Variants in DYNC2H1 observed in about 807,000 individuals in gnomAD.
The protein encoded by DYNC2H1 is dynein cytoplasmic 2 heavy chain 1.
DYNC2H1 carries 410 observed loss-of-function variants against 570.0 expected under a neutral mutation model. The observed-to-expected ratio is 0.72, with a 90% CI of 0.66 to 0.78. The LOEUF (loss-of-function observed/expected upper bound fraction) is 0.78. DYNC2H1 is among the 30% of genes least tolerant of loss of function. DYNC2H1 has a pLI of 0.00. For synonymous variants in DYNC2H1, 1,688 were observed against 1,677.6 expected (o/e 1.01, Z -0.15); for missense variants, 4,865 against 5,046.4 (o/e 0.96, Z 1.09).
chr11:103,124,805 G>A (rs1401860132), intron 11 of DYNC2H1, among the ~76,000 whole-genome samples: 1 of 152,124 alleles, frequency 6.6e-6, no homozygotes, highest in East Asian at 1.9e-4. Context: ...TATGGTGGAT[G>A]TGATGTCAAT....
Position 103,176,370 on chromosome 11 carries a change from A to G in DYNC2H1, c.5810A>G (p.Asp1937Gly), listed in dbSNP as rs1311260647. Residue 1937 changes from aspartate (D) to glycine (G), a missense_variant, in exon 37 of 89, where the codon GAT (aspartate) becomes GGT (glycine). Coordinates refer to ENST00000375735, the MANE Select transcript of DYNC2H1 (RefSeq NM_001377.3). ...ATTGAATTGAAAGAAGTGGAATATG[A>G]TGAACTAAGTGCTGCATTAAAGCAG... ...PGIELKEVEY[D>G]ELSAALKQVF... The G allele has an allele frequency of 1.3e-6, 2 of 1,595,734 alleles. No homozygotes were observed. The highest frequency in any genetic ancestry group is 1.3e-5 in the African/African-American group (1 of 74,358).
intron 82 of DYNC2H1, among the ~76,000 whole-genome samples, chr11:103,353,719 T>A (rs1940164608): frequency 1.3e-5 from 2 of 152,158 alleles, no homozygotes; most frequent in African/African-American, 4.8e-5. Flanking sequence ...ACTTTGAATG[T>A]CCTTATGTTT....
chr11:103,347,413 A>G (rs949438776), intron 82 of DYNC2H1, among the ~76,000 whole-genome samples: 1 of 148,558 alleles, frequency 6.7e-6, no homozygotes, highest in African/African-American at 2.5e-5. Context: ...TAATGGCATT[A>G]TAGTAGTTAT....
intron 82 of DYNC2H1, among the ~76,000 whole-genome samples, chr11:103,345,167 G>A (rs1023098307): frequency 6.6e-5 from 10 of 152,034 alleles, no homozygotes; most frequent in African/African-American, 2.4e-4. Context: ...ATTCATTATT[G>A]TGGTTGGTTT....
chr11:103,184,177 C>G (rs763191952), intron 40 of DYNC2H1, among the ~76,000 whole-genome samples: 16 of 151,916 alleles, frequency 1.1e-4, no homozygotes, highest in Non-Finnish European at 1.8e-4. Flanking sequence ...ACATTCTGTA[C>G]TGCTGTAGCT....
chr11:103,471,101 C>G (rs113268045), intron 88 of DYNC2H1, among the ~76,000 whole-genome samples: 11 of 152,090 alleles, frequency 7.2e-5, no homozygotes, highest in South Asian at 2.1e-4. Flanking sequence ...TTTTAATGAT[C>G]GCCATTCTAA....
chr11:103,473,116 T>G (rs1303023192), intron 88 of DYNC2H1, among the ~76,000 whole-genome samples: 17 of 152,196 alleles, frequency 1.1e-4, no homozygotes. Context: ...TTGCCTCTAT[T>G]TGAAATGCAG....
At chr11:103,426,252 G>C (rs762113459) in intron 84 of DYNC2H1, among the ~76,000 whole-genome samples, 121 of 152,286 alleles carry the variant, frequency 7.9e-4, no homozygotes, top group Non-Finnish European at 1.6e-3. Context: ...CTTGCTGTCA[G>C]TAAATATGTG....
Position 103,162,599 on chromosome 11 carries a change from A to T in DYNC2H1, c.4492-429A>T, listed in dbSNP as rs182731203. On this transcript the variant is annotated intron_variant, in intron 29 of 88. Transcript: ENST00000375735. ...ATGGTTACGACTTTATGAATATAAGATCATCAGGATGGCATGAGCCAGGAA... is the reference window on the plus strand; with the variant it reads ...ATGGTTACGACTTTATGAATATAAGTTCATCAGGATGGCATGAGCCAGGAA... 3.3e-5 allele frequency among the ~76,000 whole-genome samples: 5 copies of T among 152,308 alleles called. 1 individual carries two copies. The East Asian group carries it at 5.8e-4, about 18-fold the overall frequency.
chr11:103,410,067 G>C (rs959113722), intron 84 of DYNC2H1, among the ~76,000 whole-genome samples: 1 of 151,500 alleles, frequency 6.6e-6, no homozygotes, highest in Non-Finnish European at 1.5e-5. Flanking sequence ...AATCTTCCAG[G>C]GGTAAGCTGG....
intron 82 of DYNC2H1, among the ~76,000 whole-genome samples, chr11:103,327,925 C>T (rs1435245145): frequency 6.6e-6 from 1 of 152,150 alleles, no homozygotes; most frequent in African/African-American, 2.4e-5. Flanking sequence ...GGTTTCATGA[C>T]AAACTAGGCA....
At chr11:103,139,307 G>T (rs1238132608) in intron 17 of DYNC2H1, among the ~76,000 whole-genome samples, 2 of 149,934 alleles carry the variant, frequency 1.3e-5, no homozygotes, top group African/African-American at 4.9e-5. Context: ...TGTGATGTTA[G>T]GGTGTCAATT....
chr11:103,245,224 A>C lies in DYNC2H1; in HGVS notation c.9919-27A>C. The C allele has an allele frequency of 6.9e-7, 1 of 1,442,480 alleles. No individual in the cohort carries two copies. Among genetic ancestry groups the C allele is most frequent in the Non-Finnish European group, 9.4e-7 (1 of 1,069,158 alleles). 89.4% of individuals were successfully genotyped at this position (1,442,480 alleles called of 1,614,324 possible). ...TAAATATTAAAGTAATTAAATAATT[A>C]ATACGTATTCTTTTTTATTCAATTA... is the stretch of plus-strand genomic sequence containing the variant. On this transcript the variant is annotated intron_variant, in intron 64 of 88. Coordinates refer to ENST00000375735, the MANE Select transcript of DYNC2H1 (RefSeq NM_001377.3). This position sits in a 1 kb window ranked among gnomAD's most constrained non-coding sequence, Gnocchi z 4.5.
At chr11:103,222,384 G>T (rs1863621607) in intron 58 of DYNC2H1, among the ~76,000 whole-genome samples, 1 of 152,076 alleles carries the variant, frequency 6.6e-6, no homozygotes, top group Admixed American at 6.5e-5. Flanking sequence ...TTTTGTATCT[G>T]CTGTTAATGT....
rs1458832822 is a variant in DYNC2H1 at position 103,305,731 on chromosome 11, GA to G, written c.11382+1012del. On this transcript the variant is annotated intron_variant, in intron 77 of 88. Transcript: ENST00000375735. The surrounding 1 kb of genome is among the most constrained non-coding windows in gnomAD (Gnocchi z 4.3). The stretch of plus-strand genomic sequence containing the variant: ...CACAAATAGTCAGTAAATTTTTGAT[GA>G]GTAAGTTAATGAGTGAGTGAATGAG... Among the ~76,000 whole-genome samples the G allele has an allele frequency of 6.6e-6, 1 of 152,006 alleles. No homozygotes were observed. Among genetic ancestry groups the G allele is most frequent in the African/African-American group, 2.4e-5 (1 of 41,376 alleles).
Position 103,465,763 on chromosome 11 carries a change from G to A in DYNC2H1, c.12649-2826G>A, listed in dbSNP as rs182932327. On this transcript the variant is annotated intron_variant, in intron 87 of 88. Transcript: ENST00000375735. This position sits in a 1 kb window ranked among gnomAD's most constrained non-coding sequence, Gnocchi z 4.9. ...AGTCCTTCACATGCCCTCTCATACTGTAGTAGACTAGGAGAGCTTCCTTAT... is the reference window on the plus strand; with the variant it reads ...AGTCCTTCACATGCCCTCTCATACTATAGTAGACTAGGAGAGCTTCCTTAT... Among the ~76,000 whole-genome samples the A allele has an allele frequency of 5.3e-5, 8 of 152,194 alleles. No individual in the cohort carries two copies. The East Asian group carries it at 1.5e-3, about 29-fold the overall frequency.
intron 73 of DYNC2H1, among the ~76,000 whole-genome samples, chr11:103,283,411 T>G (rs571190318): frequency 6.6e-5 from 10 of 152,290 alleles, no homozygotes; most frequent in Non-Finnish European, 1.3e-4. Context: ...AACAATTCTG[T>G]GTTCTTCAAC....
Position 103,187,447 on chromosome 11 carries a change from C to T in DYNC2H1, c.7001C>T (p.Thr2334Ile), listed in dbSNP as rs745337448. 1.9e-5 allele frequency: 30 copies of T among 1,613,196 alleles called. 1 individual carries two copies. The South Asian group carries it at 3.1e-4, about 17-fold the overall frequency. The change falls in exon 43 of 89, where the codon ACT becomes ATT. Residue 2334 changes from threonine to isoleucine, a missense_variant. By Grantham distance (89) the Thr-to-Ile change is moderately conservative (BLOSUM62 -1). Transcript: ENST00000375735. ...SRHLLQKLSQ[T>I]CMVISTNTGR... ...CATCTCCTGCAGAAACTGAGCCAGA[C>T]TTGCATGGTAATCAGTACTAATACT...
chr11:103,331,082 T>G (rs886326701), intron 82 of DYNC2H1, among the ~76,000 whole-genome samples: 1 of 152,230 alleles, frequency 6.6e-6, no homozygotes, highest in Non-Finnish European at 1.5e-5. Flanking sequence ...TCTAAGGAGA[T>G]GCAGTTGCCT....
Sources: allele counts gnomAD v4.1 joint callset (sites outside exome capture counted in the v4.1 genomes callset), GRCh38; gene constraint gnomAD v4.1.1; non-coding constraint Gnocchi (gnomAD v3.1); transcripts MANE v1.5; gene names NCBI Gene and HGNC (gene_info 2026-07-23, HGNC 2026-07-21).